The following ROBO2 variants were observed in gnomAD, a reference collection of about 807,000 sequenced individuals.
ROBO2 encodes the protein roundabout homolog 2.
In ROBO2, 53 loss-of-function variants were observed where a neutral mutation model predicts 160.8. That is an observed-to-expected ratio of 0.33 (90% CI 0.26 to 0.41). The LOEUF (loss-of-function observed/expected upper bound fraction) is 0.41. Among genes scored for constraint, ROBO2 ranks in the 10% least tolerant of loss-of-function variants. ROBO2 has a pLI of 1.00. For synonymous variants in ROBO2, 664 were observed against 611.7 expected, an observed-to-expected ratio of 1.09 and a Z score of -1.26; for missense variants, 1,577 against 1,722.4, an observed-to-expected ratio of 0.92 and a Z score of 1.49.
intron 1 of ROBO2, among the ~76,000 whole-genome samples, chr3:77,063,232 A>G (rs2066502009): frequency 6.6e-6 from 1 of 152,100 alleles, no homozygotes; most frequent in South Asian, 2.1e-4. Flanking sequence ...CCCATCTGCC[A>G]CCCCTAACCA....
At chr3:77,641,741 G>A (rs1425562476) in intron 24 of ROBO2, among the ~76,000 whole-genome samples, 1 of 152,052 alleles carries the variant, frequency 6.6e-6, no homozygotes, top group African/African-American at 2.4e-5. Context: ...CTTCAGCAAA[G>A]TAATTTCAGA....
intron 2 of ROBO2, among the ~76,000 whole-genome samples, chr3:77,335,718 CA>C (rs1371917461): frequency 1.3e-5 from 2 of 151,958 alleles, no homozygotes; most frequent in African/African-American, 4.8e-5. Context: ...TCGGAGTAGC[CA>C]TCAAGAAAAA....
At chr3:77,247,407 C>T (rs962505643) in intron 2 of ROBO2, among the ~76,000 whole-genome samples, 4 of 152,046 alleles carry the variant, frequency 2.6e-5, no homozygotes, top group Admixed American at 6.6e-5. Flanking sequence ...GAGGCTGTTC[C>T]GCAAGGACAT....
chr3:76,504,224 C>T (rs116492257), intron 2 of ROBO2, among the ~76,000 whole-genome samples: 2,399 of 152,260 alleles, frequency 0.016, 23 homozygotes, highest in South Asian at 0.046. Context: ...AGGTTTTGTA[C>T]GACGTTGGTC....
At chr3:77,213,332 T>A (rs1019138105) in intron 2 of ROBO2, among the ~76,000 whole-genome samples, 6 of 152,222 alleles carry the variant, frequency 3.9e-5, no homozygotes, top group Admixed American at 6.5e-5. Flanking sequence ...CAGGAATTTA[T>A]ACATTTCTTC....
intron 2 of ROBO2, among the ~76,000 whole-genome samples, chr3:76,337,126 T>C (rs547562479): frequency 2.0e-5 from 3 of 152,174 alleles, no homozygotes; most frequent in Non-Finnish European, 4.4e-5. Flanking sequence ...TGTCTGATTT[T>C]CAAGCTGTAA....
intron 2 of ROBO2, among the ~76,000 whole-genome samples, chr3:77,197,738 A>G (rs2082435002): frequency 6.6e-6 from 1 of 152,238 alleles, no homozygotes; most frequent in African/African-American, 2.4e-5. Flanking sequence ...CTGTTATTTT[A>G]TGGCTCAAAA....
Position 77,128,465 on chromosome 3 carries a change from T to A in ROBO2, c.388+30125T>A, listed in dbSNP as rs368121596. ...GTATCCCTCATGGATAAGAAGGGAC[T>A]GCTGTACACAAAAATAAAACTACTC... On this transcript the variant is annotated intron_variant, in intron 2 of 25. Transcript: ENST00000461745. Among the ~76,000 whole-genome samples the A allele has an allele frequency of 4.3e-4, 66 of 152,328 alleles. 1 individual carries two copies. Among genetic ancestry groups the A allele is most frequent in the African/African-American group, 1.4e-3 (60 of 41,582 alleles).
At chr3:76,306,705 G>A (rs2071353125) in intron 2 of ROBO2, among the ~76,000 whole-genome samples, 1 of 151,998 alleles carries the variant, frequency 6.6e-6, no homozygotes, top group African/African-American at 2.4e-5. Context: ...TTGATAACAG[G>A]GACTTTGTCT....
rs372800017 is a variant in ROBO2 at position 76,132,519 on chromosome 3, C to G, written c.109+194917C>G. 2.1e-4 allele frequency among the ~76,000 whole-genome samples: 32 copies of G among 151,986 alleles called. No individual in the cohort carries two copies. The South Asian group carries it at 6.6e-3, about 32-fold the overall frequency. Reference sequence around the variant, plus strand: ...CTCACAAAACTCAAGTTCCCGGATGCCACCGAGGACTAACCTTGCAAGCAG... The same window carrying G: ...CTCACAAAACTCAAGTTCCCGGATGGCACCGAGGACTAACCTTGCAAGCAG... On this transcript the variant is annotated intron_variant, in intron 2 of 26. Transcript: ENST00000487694.
At chr3:77,320,760 G>T (rs1978940) in intron 2 of ROBO2, among the ~76,000 whole-genome samples, 36,167 of 151,962 alleles carry the variant, frequency 0.24, 4,946 homozygotes, top group African/African-American at 0.38. Flanking sequence ...GCAAAAACTG[G>T]TACTTCACTT....
At chr3:77,322,991 TATAATATATTATATTATATTATGG>T (rs1272300458) in intron 2 of ROBO2, among the ~76,000 whole-genome samples, 6 of 48,374 alleles carry the variant, frequency 1.2e-4, no homozygotes, top group African/African-American at 4.2e-4. Flanking sequence ...TTATGGATAA[TATAATATATTATATTATATTATGG>T]ATAATATAAT....
intron 2 of ROBO2, among the ~76,000 whole-genome samples, chr3:76,622,136 G>C (rs2089140585): frequency 1.3e-5 from 2 of 150,962 alleles, no homozygotes; most frequent in African/African-American, 4.9e-5. Flanking sequence ...TTGGGCTCTA[G>C]AGTTTGCGAC....
chr3:76,211,522 T>G (rs976403291), intron 2 of ROBO2, among the ~76,000 whole-genome samples: 1 of 152,084 alleles, frequency 6.6e-6, no homozygotes, highest in Non-Finnish European at 1.5e-5. Flanking sequence ...GAAAAATGAT[T>G]GAGTTAACAC....
intron 2 of ROBO2, among the ~76,000 whole-genome samples, chr3:76,121,718 T>A (rs1485685943): frequency 2.6e-5 from 4 of 152,184 alleles, no homozygotes; most frequent in African/African-American, 4.8e-5. Context: ...TTATTCTTTT[T>A]ATCCACCTAT....
chr3:76,523,497 CAG>C (rs1254910694), intron 2 of ROBO2, among the ~76,000 whole-genome samples: 7 of 152,048 alleles, frequency 4.6e-5, no homozygotes, highest in Non-Finnish European at 8.8e-5. Context: ...CAAGCTCACA[CAG>C]AGAGTTAGTG....
At chr3:77,158,185 C>G (rs2078179290) in intron 2 of ROBO2, among the ~76,000 whole-genome samples, 1 of 152,076 alleles carries the variant, frequency 6.6e-6, no homozygotes, top group African/African-American at 2.4e-5. Context: ...GTATTGGACA[C>G]CAGCCAGGAC....
intron 2 of ROBO2, among the ~76,000 whole-genome samples, chr3:76,274,348 A>AT (rs202205447): frequency 2.1e-4 from 32 of 148,962 alleles, no homozygotes; most frequent in Admixed American, 7.3e-4. Flanking sequence ...TTAAAGTATA[A>AT]TTAAAAAAAA....
intron 2 of ROBO2, among the ~76,000 whole-genome samples, chr3:77,468,223 C>A (rs1386237663): frequency 6.6e-6 from 1 of 152,208 alleles, no homozygotes; most frequent in Non-Finnish European, 1.5e-5. Flanking sequence ...TCAAATATCA[C>A]ATGCTAGGCT....
Sources: gnomAD v4.1 joint callset for allele counts (sites outside exome capture counted in the v4.1 genomes callset) on GRCh38, gnomAD v4.1.1 for gene constraint, MANE v1.5 for transcripts, NCBI Gene and HGNC (gene_info 2026-07-23, HGNC 2026-07-21) for gene names.